The following ZNF536 variants were observed in gnomAD, a reference collection of about 807,000 sequenced individuals.
The protein encoded by ZNF536 is zinc finger protein 536.
ZNF536 carries 13 observed loss-of-function variants against 84.5 expected under a neutral mutation model. The ratio of observed to expected loss-of-function variants is 0.15; its 90% CI spans 0.10 to 0.24. The LOEUF is 0.24. Among genes scored for constraint, ZNF536 ranks in the 10% least tolerant of loss-of-function variants. ZNF536 has a pLI of 1.00. For missense variants in ZNF536, 1,536 were observed against 1,747.5 expected (o/e 0.88, Z 2.16); for synonymous variants, 811 against 742.5 (o/e 1.09, Z -1.50).
chr19:30,248,152 C>T (rs1304115348), intron 1 of ZNF536, among the ~76,000 whole-genome samples: 1 of 151,958 alleles, frequency 6.6e-6, no homozygotes, highest in African/African-American at 2.4e-5. Context: ...GGTCAAAAGC[C>T]TTGTCTGTGA....
rs753184765 is a variant in ZNF536, at chr19:30,548,715, T to C, written c.3096T>C (p.Asp1032=). ...ANHLGKAKRK[D]NTIGVTVNCK... is the part of the protein sequence containing the mutation. ...ACCTGGGCAAAGCGAAACGCAAAGA[T>C]AACACCATCGGGGTCACAGTCAACT... Residue 1032 remains aspartate (D), a synonymous_variant, in exon 4 of 5, where the codon GAT becomes GAC. Coordinates refer to ENST00000355537, the MANE Select transcript of ZNF536 (RefSeq NM_014717.3). 8 of 1,613,928 alleles carry C rather than the reference T, an allele frequency of 5.0e-6. No individual in the cohort carries two copies. The South Asian group carries it at 8.8e-5, about 18-fold the overall frequency.
At chr19:30,333,145 T>A (rs2047268899) in intron 2 of ZNF536, among the ~76,000 whole-genome samples, 1 of 151,508 alleles carries the variant, frequency 6.6e-6, no homozygotes. Flanking sequence ...AGTGAGACCC[T>A]GTCTTCAACA....
At chr19:30,401,055 C>T (rs1879186232) in intron 1 of ZNF536, among the ~76,000 whole-genome samples, 1 of 152,016 alleles carries the variant, frequency 6.6e-6, no homozygotes, top group African/African-American at 2.4e-5. Flanking sequence ...GGTCAAGGTT[C>T]TCTTTTTGTT....
chr19:30,669,348 A>G (rs1046329372), intron 1 of ZNF536, among the ~76,000 whole-genome samples: 1 of 152,176 alleles, frequency 6.6e-6, no homozygotes, highest in Admixed American at 6.5e-5. Context: ...GGCATTTGTG[A>G]TGGCTGAGTC....
chr19:30,494,266 C>G (rs2054624624), intron 2 of ZNF536, among the ~76,000 whole-genome samples: 1 of 152,182 alleles, frequency 6.6e-6, no homozygotes, highest in Admixed American at 6.5e-5. Context: ...GAAGTTATGA[C>G]TGGTTCGTTA....
intron 2 of ZNF536, among the ~76,000 whole-genome samples, chr19:30,468,405 C>T (rs994230469): frequency 4.6e-5 from 7 of 152,104 alleles, no homozygotes; most frequent in African/African-American, 1.7e-4. Flanking sequence ...GGTGGGCTGG[C>T]CAAGTGTCAT....
intron 1 of ZNF536, among the ~76,000 whole-genome samples, chr19:30,676,128 T>A (rs1015322622): frequency 4.6e-5 from 7 of 152,226 alleles, no homozygotes; most frequent in African/African-American, 1.7e-4. Flanking sequence ...GTATTGGGAT[T>A]ACAGGTGTGA....
intron 1 of ZNF536, among the ~76,000 whole-genome samples, chr19:30,402,031 A>T (rs1247272522): frequency 2.0e-5 from 3 of 152,248 alleles, no homozygotes; most frequent in Non-Finnish European, 4.4e-5. Flanking sequence ...AAAGTTTTAC[A>T]AATTCCAATT....
At chr19:30,448,229 G>A (rs992906054) in intron 2 of ZNF536, among the ~76,000 whole-genome samples, 98 of 152,172 alleles carry the variant, frequency 6.4e-4, no homozygotes, top group African/African-American at 2.2e-3. Context: ...GAGAATTGAG[G>A]GCATACCAAT....
intron 2 of ZNF536, among the ~76,000 whole-genome samples, chr19:30,451,956 C>G (rs1316250006): frequency 6.6e-6 from 1 of 152,236 alleles, no homozygotes; most frequent in East Asian, 1.9e-4. Flanking sequence ...ATTTTCAAAA[C>G]AGAGCTTGAA....
chr19:30,317,516 C>T (rs1423965497), intron 2 of ZNF536, among the ~76,000 whole-genome samples: 1 of 152,164 alleles, frequency 6.6e-6, no homozygotes, highest in Non-Finnish European at 1.5e-5. Context: ...GAGTGGGTGC[C>T]TCTGTTTTCT....
intron 1 of ZNF536, among the ~76,000 whole-genome samples, chr19:30,429,629 T>C (rs7247381): frequency 0.67 from 101,649 of 152,062 alleles, 34,558 homozygotes; most frequent in African/African-American, 0.78. Flanking sequence ...AATATTTGCA[T>C]CGTCTCTTTG....
chr19:30,562,682 T>C (rs1414430121), downstream of ZNF536, among the ~76,000 whole-genome samples: 1 of 152,022 alleles, frequency 6.6e-6, no homozygotes, highest in African/African-American at 2.4e-5. Context: ...TAAAAGTGCC[T>C]CCTGCTTTCT....
intron 1 of ZNF536, among the ~76,000 whole-genome samples, chr19:30,707,763 A>T (rs1327069422): frequency 6.6e-6 from 1 of 152,068 alleles, no homozygotes; most frequent in African/African-American, 2.4e-5. Context: ...TAATCCCAGC[A>T]CTTTGGGAGG....
intron 2 of ZNF536, among the ~76,000 whole-genome samples, chr19:30,465,058 C>T (rs1027385285): frequency 9.2e-5 from 14 of 152,118 alleles, no homozygotes; most frequent in African/African-American, 1.4e-4. Context: ...ATTGTTTCCA[C>T]GCTTAGAATC....
At chr19:30,327,917 A>T (rs76375649) in intron 2 of ZNF536, among the ~76,000 whole-genome samples, 1 of 152,220 alleles carries the variant, frequency 6.6e-6, no homozygotes, top group African/African-American at 2.4e-5. Context: ...AGTCAGTAGA[A>T]TGAGCAGGCG....
intron 2 of ZNF536, among the ~76,000 whole-genome samples, chr19:30,285,433 T>G (rs1484670295): frequency 6.6e-6 from 1 of 152,190 alleles, no homozygotes; most frequent in Non-Finnish European, 1.5e-5. Flanking sequence ...TGGATTGTTT[T>G]GCCTTAAAAA....
intron 2 of ZNF536, among the ~76,000 whole-genome samples, chr19:30,338,271 A>G (rs1390468352): frequency 6.6e-6 from 1 of 151,828 alleles, no homozygotes; most frequent in African/African-American, 2.4e-5. Flanking sequence ...ATGATTGATG[A>G]TGATGGTGAT....
At chr19:30,695,269 T>A (rs1285928833) in intron 1 of ZNF536, among the ~76,000 whole-genome samples, 1 of 152,082 alleles carries the variant, frequency 6.6e-6, no homozygotes, top group East Asian at 1.9e-4. Context: ...GAGCAGGGTG[T>A]GCATAGCAAG....
Sources: allele counts gnomAD v4.1 joint callset (sites outside exome capture counted in the v4.1 genomes callset), GRCh38; gene constraint gnomAD v4.1.1; transcripts MANE v1.5; gene names NCBI Gene and HGNC (gene_info 2026-07-23, HGNC 2026-07-21).